The following GNS variants were observed in gnomAD, a reference collection of about 807,000 sequenced individuals.
GNS encodes glucosamine (N-acetyl)-6-sulfatase.
GNS carries 40 observed loss-of-function variants against 69.7 expected under a neutral mutation model. That is an observed-to-expected ratio of 0.57 (90% CI 0.45 to 0.75). The LOEUF is 0.75. Ranked by LOEUF, GNS falls within the 30% of genes least tolerant of loss-of-function variation. The pLI is 0.00. For synonymous variants in GNS, 243 were observed against 251.6 expected (o/e 0.97, Z 0.32); for missense variants, 565 against 685.5 (o/e 0.82, Z 1.96).
chr12:64,728,183 C>T (rs979087239), intron 10 of GNS, among the ~76,000 whole-genome samples: 46 of 152,218 alleles, frequency 3.0e-4, no homozygotes, highest in Non-Finnish European at 4.7e-4. Flanking sequence ...CCTTTGGCCT[C>T]CCAAAGTGCT....
intron 5 of GNS, among the ~76,000 whole-genome samples, chr12:64,744,221 G>T (rs2136248100): frequency 6.6e-6 from 1 of 152,340 alleles, no homozygotes; most frequent in Middle Eastern, 3.4e-3. Flanking sequence ...GTGTGTTTGT[G>T]TGTGTAAATA....
intron 9 of GNS, among the ~76,000 whole-genome samples, chr12:64,735,806 A>G (rs1227233858): frequency 1.3e-5 from 2 of 152,230 alleles, no homozygotes; most frequent in African/African-American, 4.8e-5. Context: ...AAGGCACTGA[A>G]ATTTGTAGGG....
chr12:64,759,350 C>T lies in GNS; in HGVS notation c.-74G>A, dbSNP rs1295272797. On this transcript the variant is annotated 5_prime_UTR_variant, in exon 1 of 14. Coordinates refer to ENST00000258145, the MANE Select transcript of GNS (RefSeq NM_002076.4). ...GCACAGGTAGCTGAAGGGCGAGAGG[C>T]CGACCAGCCGAAGGAATAAAAAGCC... 2 of 1,011,850 alleles carry T rather than the reference C, an allele frequency of 2.0e-6. No homozygotes were observed. The highest frequency in any genetic ancestry group is 2.8e-6 in the Non-Finnish European group (2 of 712,168). 62.7% of individuals were successfully genotyped at this position (1,011,850 alleles called of 1,614,324 possible). A position where few individuals can be genotyped will look rare whatever the true frequency, so the allele number is the denominator to read the frequency against.
intron 2 of GNS, among the ~76,000 whole-genome samples, chr12:64,750,826 A>G (rs776279151): frequency 1.3e-5 from 2 of 152,136 alleles, no homozygotes; most frequent in African/African-American, 2.4e-5. Context: ...GGATCATCTG[A>G]GCCCAGGAGT....
chr12:64,745,204 C>CTTTTTT lies in GNS; in HGVS notation c.526-303_526-298dup, dbSNP rs141453545. Among the ~76,000 whole-genome samples the CTTTTTT allele has an allele frequency of 4.7e-5, 2 of 42,298 alleles. 1 individual carries two copies. The highest frequency in any genetic ancestry group is 8.1e-5 in the Non-Finnish European group (2 of 24,682). The allele number at this position is 42,298 out of a possible 152,430, so 27.7% of individuals were successfully genotyped here. On this transcript the variant is annotated intron_variant, in intron 4 of 13. Coordinates refer to ENST00000258145, the MANE Select transcript of GNS (RefSeq NM_002076.4). ...AAGGAGTGACTCACAAGTCAATAGA[C>CTTTTTT]TTTTTTTTTTTTTTTTTTTTTTTTT... is the stretch of plus-strand genomic sequence containing the variant.
At position 64,716,514 on chromosome 12, in the gene GNS, T is replaced by C; in HGVS notation, c.*227A>G. 1.7e-6 allele frequency: 1 copy of C among 588,100 alleles called. No homozygotes were observed. Among genetic ancestry groups the C allele is most frequent in the South Asian group, 1.9e-5 (1 of 53,534 alleles). 36.4% of individuals were successfully genotyped at this position (588,100 alleles called of 1,614,324 possible). On this transcript the variant is annotated 3_prime_UTR_variant, in exon 14 of 14. Transcript: ENST00000258145. ...AGACCTCAGGAGTGTCCTTGTCAGC[T>C]AAAGGAAGAGACCAGAGACAGCCAC...
At chr12:64,743,604 A>G (rs1011110046) in intron 5 of GNS, among the ~76,000 whole-genome samples, 9 of 152,198 alleles carry the variant, frequency 5.9e-5, no homozygotes, top group Non-Finnish European at 1.3e-4. Flanking sequence ...TAACTTGGAT[A>G]TTTTACTATT....
intron 10 of GNS, among the ~76,000 whole-genome samples, chr12:64,728,138 T>G (rs530960654): frequency 3.3e-5 from 5 of 152,310 alleles, no homozygotes; most frequent in Admixed American, 3.3e-4. Flanking sequence ...TTGGCCAGGA[T>G]GGTCTCGAAC....
At chr12:64,739,338 CAT>C in intron 8 of GNS, 41 bp downstream of exon 8, 1 of 959,074 alleles carries the variant, frequency 1.0e-6, no homozygotes, top group East Asian at 2.4e-5. Context: ...AAAGGAAAGA[CAT>C]ATTCTCAAAG....
chr12:64,747,786 G>C lies in GNS; in HGVS notation c.385C>G (p.Pro129Ala). 6.2e-7 allele frequency: 1 copy of C among 1,612,878 alleles called. No homozygotes were observed. The highest frequency in any genetic ancestry group is 8.5e-7 in the Non-Finnish European group (1 of 1,178,858). ...CTGAGAATTGCTGGGAAAGTATTTG[G>C]TTCTTGGATCTTCTGCCAGGACTTA... is the stretch of plus-strand genomic sequence containing the variant. ...SSKSWQKIQE[P>A]NTFPAILRSM... is the part of the protein sequence containing the mutation. The change falls in exon 3 of 14, where the codon CCA (proline) becomes GCA (alanine). Residue 129 changes from proline to alanine, a missense_variant. Pro to Ala is a conservative substitution (Grantham distance 27). Coordinates refer to ENST00000258145, the MANE Select transcript of GNS (RefSeq NM_002076.4).
At chr12:64,741,620 G>A (rs1869739177) in intron 6 of GNS, among the ~76,000 whole-genome samples, 1 of 151,424 alleles carries the variant, frequency 6.6e-6, no homozygotes, top group African/African-American at 2.4e-5. Context: ...CCAAGATATC[G>A]GTCACCCTAG....
At chr12:64,731,375 C>A (rs902564017) in intron 9 of GNS, among the ~76,000 whole-genome samples, 27 of 152,240 alleles carry the variant, frequency 1.8e-4, no homozygotes, top group Admixed American at 1.4e-3. Flanking sequence ...CTGCACCCAG[C>A]CGAGGCTCTT....
intron 7 of GNS, among the ~76,000 whole-genome samples, chr12:64,740,355 C>T (rs1869693088): frequency 6.6e-6 from 1 of 152,162 alleles, no homozygotes; most frequent in East Asian, 1.9e-4. Flanking sequence ...CCACATGGTT[C>T]AAGTTTGCAA....
At position 64,752,702 on chromosome 12, in the gene GNS, C is replaced by T. The variant is rs1436072320; in HGVS notation, c.248G>A (p.Ser83Asn). 2.7e-6 allele frequency: 4 copies of T among 1,491,290 alleles called. No homozygotes were observed. The highest frequency in any genetic ancestry group is 1.4e-5 in the African/African-American group (1 of 72,060). 92.4% of individuals were successfully genotyped at this position (1,491,290 alleles called of 1,614,324 possible). A position where few individuals can be genotyped will look rare whatever the true frequency, so the allele number is the denominator to read the frequency against. ...TGAATTAACTTTCAAACTTACAGCA[C>T]TGGAAAAAGTCATCCCCATCTCTCC... The part of the protein sequence containing the change: ...LIGEMGMTFS[S>N]AYVPSALCCP... The change falls in exon 2 of 14, where the codon AGT (serine) becomes AAT (asparagine). Residue 83 changes from serine (S) to asparagine (N), a missense_variant. Transcript: ENST00000258145.
chr12:64,739,623 A>G, intron 7 of GNS, 124 bp from the exon 8 acceptor site: 2 of 652,732 alleles, frequency 3.1e-6, no homozygotes, highest in South Asian at 3.3e-5. Context: ...AAAAAAATCC[A>G]AAACAACCCC....
chr12:64,730,893 A>G (rs1869369738), intron 9 of GNS, among the ~76,000 whole-genome samples: 1 of 152,210 alleles, frequency 6.6e-6, no homozygotes. Flanking sequence ...TGTAAAATGA[A>G]TGAGGTGAAG....
intron 9 of GNS, among the ~76,000 whole-genome samples, chr12:64,733,409 T>C (rs1294818133): frequency 1.3e-5 from 2 of 151,532 alleles, no homozygotes; most frequent in Non-Finnish European, 2.9e-5. Flanking sequence ...GCATAATTAC[T>C]GAAAAGAACA....
intron 1 of GNS, among the ~76,000 whole-genome samples, chr12:64,754,300 C>T (rs1055263009): frequency 5.9e-5 from 9 of 152,114 alleles, no homozygotes; most frequent in Non-Finnish European, 1.3e-4. Context: ...GATGTGATTA[C>T]AGCTGGTGGG....
intron 9 of GNS, among the ~76,000 whole-genome samples, chr12:64,733,356 A>G (rs1219958798): frequency 6.6e-6 from 1 of 151,252 alleles, no homozygotes; most frequent in Non-Finnish European, 1.5e-5. Context: ...AAAGGGTATC[A>G]TGCATTGAAC....
Sources: gnomAD v4.1 joint callset for allele counts (sites outside exome capture counted in the v4.1 genomes callset) on GRCh38, gnomAD v4.1.1 for gene constraint, MANE v1.5 for transcripts, NCBI Gene and HGNC (gene_info 2026-07-23, HGNC 2026-07-21) for gene names.